Variants in MORN1 observed in about 807,000 individuals in gnomAD.
MORN1 encodes the protein MORN repeat-containing protein 1.
MORN1 carries 67 observed loss-of-function variants against 61.9 expected under a neutral mutation model. The observed-to-expected ratio is 1.08, with a 90% CI of 0.89 to 1.33. The LOEUF is 1.33. Ranked by LOEUF, MORN1 falls within the 40% of genes most tolerant of loss-of-function variation. The probability of loss-of-function intolerance (pLI) is 0.00; values close to 1 mark genes in which losing one functional copy is unlikely to be tolerated. For missense variants in MORN1, 752 were observed against 691.2 expected, an observed-to-expected ratio of 1.09 and a Z score of -0.99; for synonymous variants, 301 against 292.0, an observed-to-expected ratio of 1.03 and a Z score of -0.31.
At chr1:2,383,077 C>T (rs907758531) in intron 6 of MORN1, among the ~76,000 whole-genome samples, 1 of 152,172 alleles carries the variant, frequency 6.6e-6, no homozygotes, top group Non-Finnish European at 1.5e-5. Context: ...ACTCCTCCAT[C>T]CCCATGTGGC....
At chr1:2,373,234 T>C (rs1256113394) in intron 7 of MORN1, among the ~76,000 whole-genome samples, 2 of 152,268 alleles carry the variant, frequency 1.3e-5, no homozygotes, top group South Asian at 2.1e-4. Flanking sequence ...ACACCTGGGA[T>C]CTGAGGCTGC....
chr1:2,377,452 ACT>A (rs1431502278), intron 6 of MORN1: 1 of 152,258 alleles, frequency 6.6e-6, no homozygotes, highest in Non-Finnish European at 1.5e-5. Flanking sequence ...TCCCAGCACC[ACT>A]CAGCCGAAGG....
At chr1:2,353,984 G>C (rs528462793) in intron 10 of MORN1, among the ~76,000 whole-genome samples, 1 of 152,216 alleles carries the variant, frequency 6.6e-6, no homozygotes, top group Admixed American at 6.5e-5. Flanking sequence ...CGTAAAGAAG[G>C]GAAGATAAAG....
At chr1:2,376,780 T>A (rs1642247474) in intron 6 of MORN1, 1 of 152,140 alleles carries the variant, frequency 6.6e-6, no homozygotes, top group African/African-American at 2.4e-5. Context: ...ACTTGGTCAG[T>A]CCAAGCACAT....
intron 8 of MORN1, among the ~76,000 whole-genome samples, chr1:2,369,715 A>G (rs1642074522): frequency 9.5e-6 from 1 of 104,826 alleles, no homozygotes; most frequent in Non-Finnish European, 2.2e-5. Context: ...ATTTAGAAAT[A>G]ATTAATAAAA....
intron 10 of MORN1, among the ~76,000 whole-genome samples, chr1:2,349,761 AATC>A (rs1403977935): frequency 6.6e-6 from 1 of 152,206 alleles, no homozygotes; most frequent in Non-Finnish European, 1.5e-5. Flanking sequence ...TGATTTTTCA[AATC>A]ATCTTACAAT....
rs757316105 is a variant in MORN1 at position 2,372,643 on chromosome 1, C to T, written c.635-52G>A. ...GCGGTGACTGGCATGGTCCCCCACC[C>T]ACCCCATGGCTGAGTCAGCAGTGGG... On this transcript the variant is annotated intron_variant, in intron 7 of 13. Coordinates refer to ENST00000378531, the MANE Select transcript of MORN1 (RefSeq NM_024848.3). The surrounding 1 kb of genome is among the most constrained non-coding windows in gnomAD (Gnocchi z 5.4). The T allele has an allele frequency of 2.8e-6, 4 of 1,440,272 alleles. No homozygotes were observed. The highest frequency in any genetic ancestry group is 3.8e-6 in the Non-Finnish European group (4 of 1,042,908). 89.2% of individuals were successfully genotyped at this position (1,440,272 alleles called of 1,614,324 possible).
intron 8 of MORN1, chr1:2,363,071 T>C (rs933100439): frequency 6.6e-6 from 1 of 152,224 alleles, no homozygotes; most frequent in African/African-American, 2.4e-5. Flanking sequence ...GACTGCTTAC[T>C]GTTTATTAAG....
chr1:2,327,754 C>T (rs981851529), intron 12 of MORN1, among the ~76,000 whole-genome samples: 2 of 152,246 alleles, frequency 1.3e-5, no homozygotes, highest in Admixed American at 6.5e-5. Context: ...GCAAGGCTAA[C>T]AAGGTGCTGC....
chr1:2,327,686 G>A (rs781638168), intron 12 of MORN1, among the ~76,000 whole-genome samples: 16 of 152,232 alleles, frequency 1.1e-4, no homozygotes, highest in South Asian at 6.2e-4. Context: ...TGGACGAGGC[G>A]GCACAGGGGG....
chr1:2,355,638 C>T (rs1263963677), intron 10 of MORN1, among the ~76,000 whole-genome samples: 2 of 152,206 alleles, frequency 1.3e-5, no homozygotes, highest in South Asian at 2.1e-4. Flanking sequence ...ATGTGAGTCA[C>T]GGAACCTTAG....
At chr1:2,325,121 C>CTCTT in intron 12 of MORN1, among the ~76,000 whole-genome samples, 1 of 86,732 alleles carries the variant, frequency 1.2e-5, no homozygotes, top group Non-Finnish European at 2.1e-5. Context: ...TCCCTTCCTT[C>CTCTT]CCTTCCTTCC....
chr1:2,329,040 C>T (rs1015143547), intron 12 of MORN1, among the ~76,000 whole-genome samples: 3 of 152,192 alleles, frequency 2.0e-5, no homozygotes, highest in South Asian at 2.1e-4. Flanking sequence ...AGGTGCCCAC[C>T]GTGGACACCC....
In MORN1 at chr1:2,357,489, G is replaced by C. The variant is rs1641801584; in HGVS notation, c.979C>G (p.Leu327Val). Residue 327 changes from leucine to valine, a missense_variant, in exon 10 of 14, where the codon CTG (leucine) becomes GTG (valine). Leu to Val is a conservative substitution (Grantham distance 32). Coordinates refer to ENST00000378531, the MANE Select transcript of MORN1 (RefSeq NM_024848.3). The surrounding 1 kb of genome is among the most constrained non-coding windows in gnomAD (Gnocchi z 6.3). ...TGGAGGGCACCCAAATGCAGCTCCA[G>C]GTCTCCCCTGGGCAGGGGCACGTCG... ...EADVPLPRGD[L>V]ELHLGALHGQ... The C allele has an allele frequency of 1.2e-6, 2 of 1,612,444 alleles. No homozygotes were observed. Among genetic ancestry groups the C allele is most frequent in the African/African-American group, 1.3e-5 (1 of 74,878 alleles).
intron 8 of MORN1, among the ~76,000 whole-genome samples, chr1:2,362,237 A>G (rs1426044111): frequency 6.6e-6 from 1 of 152,236 alleles, no homozygotes. Context: ...TCAAAATAAA[A>G]AACAAAAAAC....
intron 13 of MORN1, 82 bp downstream of exon 13, chr1:2,324,014 AC>A: frequency 6.7e-7 from 1 of 1,492,854 alleles, no homozygotes. Context: ...AGTTCCCCCA[AC>A]CCCACCTCCA....
Position 2,390,709 on chromosome 1 carries a change from C to T in MORN1, c.77-713G>A, listed in dbSNP as rs902041527. On this transcript the variant is annotated intron_variant, in intron 1 of 13. Transcript: ENST00000378531. ...GTGTTAGCTCTGAGTTCATTCCAGA[C>T]CCGTTTATTTGATTCTAGAAACAGT... The T allele has an allele frequency of 1.5e-5, 15 of 985,210 alleles. 1 individual carries two copies. In the African/African-American group the frequency reaches 2.4e-4, roughly 16 times the overall value. The allele number at this position is 985,210 out of a possible 1,614,324, so 61.0% of individuals were successfully genotyped here.
chr1:2,379,683 GTTA>G (rs1188200140), intron 6 of MORN1, among the ~76,000 whole-genome samples: 7 of 152,186 alleles, frequency 4.6e-5, no homozygotes, highest in African/African-American at 1.7e-4. Context: ...CTCAATTGTG[GTTA>G]TTGTTAAGAG....
chr1:2,330,636 T>C (rs900620693), intron 12 of MORN1, among the ~76,000 whole-genome samples: 1 of 152,164 alleles, frequency 6.6e-6, no homozygotes, highest in Non-Finnish European at 1.5e-5. Flanking sequence ...ATCGCAGAAG[T>C]CTTAATTAAG....
Sources: allele counts gnomAD v4.1 joint callset (sites outside exome capture counted in the v4.1 genomes callset), GRCh38; gene constraint gnomAD v4.1.1; non-coding constraint Gnocchi (gnomAD v3.1); transcripts MANE v1.5; gene names NCBI Gene and HGNC (gene_info 2026-07-23, HGNC 2026-07-21).